KIAA1328: variants seen among roughly 807,000 people sequenced by gnomAD.
KIAA1328 encodes the protein protein hinderin.
A neutral mutation model predicts 68.1 loss-of-function variants in KIAA1328; 52 were observed. The ratio of observed to expected loss-of-function variants is 0.76; its 90% CI spans 0.61 to 0.96. The LOEUF is 0.96. KIAA1328 is among the 40% of genes least tolerant of loss of function. KIAA1328 has a pLI of 0.00. For missense variants in KIAA1328, 641 were observed against 677.6 expected (o/e 0.95, Z 0.60); for synonymous variants, 232 against 239.4 (o/e 0.97, Z 0.28).
chr18:36,964,091 A>G (rs997674749), intron 6 of KIAA1328, among the ~76,000 whole-genome samples: 3 of 152,236 alleles, frequency 2.0e-5, no homozygotes, highest in African/African-American at 4.8e-5. Context: ...ATATGAACCA[A>G]GCCAGTCTGG....
At chr18:36,988,503 C>G (rs2053037485) in intron 6 of KIAA1328, among the ~76,000 whole-genome samples, 1 of 152,152 alleles carries the variant, frequency 6.6e-6, no homozygotes, top group Non-Finnish European at 1.5e-5. Flanking sequence ...TATTTACAAA[C>G]CATTTTGTGT....
At chr18:37,118,667 A>G (rs1325635145) in intron 7 of KIAA1328, among the ~76,000 whole-genome samples, 2 of 152,184 alleles carry the variant, frequency 1.3e-5, no homozygotes, top group Non-Finnish European at 2.9e-5. Flanking sequence ...TTCCAGTTCA[A>G]TGGAATCATT....
chr18:37,198,710 T>C (rs938273618), intron 9 of KIAA1328, among the ~76,000 whole-genome samples: 1 of 152,118 alleles, frequency 6.6e-6, no homozygotes, highest in Non-Finnish European at 1.5e-5. Flanking sequence ...AAGGAAGAAA[T>C]GATGAGTGCC....
intron 9 of KIAA1328, 120 bp downstream of exon 9, chr18:37,173,201 TC>T (rs1351323402): frequency 4.2e-6 from 3 of 706,166 alleles, no homozygotes. Context: ...TCAAGAGAGG[TC>T]CTTCTTTTGA....
intron 7 of KIAA1328, among the ~76,000 whole-genome samples, chr18:37,088,504 C>T (rs993528589): frequency 7.2e-5 from 11 of 151,878 alleles, no homozygotes; most frequent in Non-Finnish European, 1.5e-4. Context: ...ATTTTCACTT[C>T]CTATGTTCAT....
chr18:36,857,577 G>A (rs1013007788), intron 4 of KIAA1328, among the ~76,000 whole-genome samples: 2 of 152,210 alleles, frequency 1.3e-5, no homozygotes, highest in African/African-American at 2.4e-5. Context: ...GTGGACAAGC[G>A]AAAGCACCAT....
intron 6 of KIAA1328, among the ~76,000 whole-genome samples, chr18:36,991,364 TA>T (rs1348171146): frequency 3.9e-5 from 6 of 152,192 alleles, no homozygotes; most frequent in African/African-American, 1.4e-4. Flanking sequence ...TCTTCTTTAT[TA>T]ATCTTTCCAT....
intron 5 of KIAA1328, among the ~76,000 whole-genome samples, chr18:36,906,015 A>T (rs1788480521): frequency 6.6e-6 from 1 of 152,182 alleles, no homozygotes; most frequent in Non-Finnish European, 1.5e-5. Flanking sequence ...TACATGGGAA[A>T]CAACTTATAA....
At chr18:36,956,990 C>T (rs1171101311) in intron 5 of KIAA1328, among the ~76,000 whole-genome samples, 1 of 152,154 alleles carries the variant, frequency 6.6e-6, no homozygotes, top group African/African-American at 2.4e-5. Flanking sequence ...ATTCAACAAG[C>T]TCTCCTAATT....
At chr18:36,900,030 T>C (rs964997661) in intron 5 of KIAA1328, among the ~76,000 whole-genome samples, 1 of 151,938 alleles carries the variant, frequency 6.6e-6, no homozygotes, top group African/African-American at 2.4e-5. Context: ...TCTGTTATAT[T>C]AGACAGTTTC....
At chr18:37,071,725 A>G (rs1263099924) in intron 7 of KIAA1328, among the ~76,000 whole-genome samples, 1 of 152,166 alleles carries the variant, frequency 6.6e-6, no homozygotes, top group African/African-American at 2.4e-5. Context: ...GTTTTTGAGT[A>G]TGTTTCTTTG....
intron 9 of KIAA1328, among the ~76,000 whole-genome samples, chr18:37,203,124 T>A (rs1324863392): frequency 6.6e-6 from 1 of 151,780 alleles, no homozygotes; most frequent in African/African-American, 2.4e-5. Flanking sequence ...TAATGCTGTA[T>A]GAAAATCATA....
At chr18:37,071,317 C>T (rs1347061036) in intron 7 of KIAA1328, among the ~76,000 whole-genome samples, 4 of 151,916 alleles carry the variant, frequency 2.6e-5, no homozygotes. Context: ...AAGCAATCTG[C>T]CTACCTTATC....
chr18:37,187,481 A>G (rs1470909638), intron 9 of KIAA1328, among the ~76,000 whole-genome samples: 1 of 152,216 alleles, frequency 6.6e-6, no homozygotes, highest in Admixed American at 6.5e-5. Flanking sequence ...AATTGTATAC[A>G]GTTGCATGTC....
At chr18:37,019,728 G>A (rs1346635366) in intron 6 of KIAA1328, among the ~76,000 whole-genome samples, 1 of 152,238 alleles carries the variant, frequency 6.6e-6, no homozygotes, top group Non-Finnish European at 1.5e-5. Flanking sequence ...TGCATAGGAG[G>A]TGTGGAGTGT....
At chr18:37,023,457 G>T (rs1056649440) in intron 6 of KIAA1328, among the ~76,000 whole-genome samples, 9 of 152,106 alleles carry the variant, frequency 5.9e-5, no homozygotes, top group Non-Finnish European at 1.0e-4. Context: ...AAATGTAGAA[G>T]ATCTTCGTAT....
At chr18:37,115,955 G>A (rs1348780694) in intron 7 of KIAA1328, among the ~76,000 whole-genome samples, 2 of 152,138 alleles carry the variant, frequency 1.3e-5, no homozygotes, top group African/African-American at 4.8e-5. Flanking sequence ...ACTTACAAGG[G>A]ATGTGAAGGA....
At chr18:36,878,044 T>A (rs1668437987) in intron 4 of KIAA1328, among the ~76,000 whole-genome samples, 1 of 152,190 alleles carries the variant, frequency 6.6e-6, no homozygotes, top group Non-Finnish European at 1.5e-5. Flanking sequence ...TTTGTTCCTA[T>A]CATTATGATG....
At chr18:37,051,937 G>A (rs1458181136) in intron 6 of KIAA1328, among the ~76,000 whole-genome samples, 14 of 152,018 alleles carry the variant, frequency 9.2e-5, no homozygotes, top group Admixed American at 7.9e-4. Context: ...AGCTATTTGG[G>A]AGGCTGAGGC....
Sources: allele counts gnomAD v4.1 joint callset (sites outside exome capture counted in the v4.1 genomes callset), GRCh38; gene constraint gnomAD v4.1.1; transcripts MANE v1.5; gene names NCBI Gene and HGNC (gene_info 2026-07-23, HGNC 2026-07-21).